Variants in SFTPA1 observed in about 807,000 individuals in gnomAD.
SFTPA1 encodes the protein surfactant protein A1.
A neutral mutation model predicts 19.1 loss-of-function variants in SFTPA1; 13 were observed. The ratio of observed to expected loss-of-function variants is 0.68; its 90% CI spans 0.44 to 1.08. The LOEUF (loss-of-function observed/expected upper bound fraction) is 1.08, where lower values mean the gene tolerates loss of function less well. SFTPA1 is among the 50% of genes least tolerant of loss of function. SFTPA1 has a pLI of 0.00. For synonymous variants in SFTPA1, 101 were observed against 117.0 expected, an observed-to-expected ratio of 0.86 and a Z score of 0.88; for missense variants, 259 against 316.4, an observed-to-expected ratio of 0.82 and a Z score of 1.38.
Position 79,613,962 on chromosome 10 carries a change from G to A in SFTPA1, c.596G>A (p.Arg199His), listed in dbSNP as rs771689192. ...GAGGGTCCCAGCCCTGGAGACTTCC[G>A]CTACTCAGACGGGACCCCTGTAAAC... ...LTEGPSPGDFRYSDGTPVNYT... is the reference protein window; with the variant it reads ...LTEGPSPGDFHYSDGTPVNYT... The change falls in exon 6 of 6, where the codon CGC becomes CAC. Residue 199 changes from arginine (R) to histidine (H), a missense_variant. By Grantham distance (29) the Arg-to-His change is conservative. Coordinates refer to ENST00000398636, the MANE Select transcript of SFTPA1 (RefSeq NM_005411.5). 48 of 1,614,038 alleles carry A rather than the reference G, an allele frequency of 3.0e-5. No individual in the cohort carries two copies. Among genetic ancestry groups the A allele is most frequent in the African/African-American group, 6.7e-5 (5 of 74,916 alleles).
rs1013776191 is a variant in SFTPA1, at chr10:79,614,215, A to T, written c.*102A>T. 1.2e-5 allele frequency: 19 copies of T among 1,595,960 alleles called. No homozygotes were observed. In the East Asian group the frequency reaches 4.3e-4, roughly 36 times the overall value. On this transcript the variant is annotated 3_prime_UTR_variant, in exon 6 of 6. Transcript: ENST00000398636. ...AGATGCTAGAACTCCCTTTCAACAG[A>T]ATTCACTTGTGGCTATTGGGACTGG...
At chr10:79,612,514 AC>A in intron 4 of SFTPA1, 83 bp downstream of exon 4, 2 of 1,590,476 alleles carry the variant, frequency 1.3e-6, no homozygotes, top group African/African-American at 2.7e-5. Flanking sequence ...TGGGGATCAG[AC>A]AAACCCTACA....
intron 4 of SFTPA1, among the ~76,000 whole-genome samples, chr10:79,612,833 C>A (rs570462927): frequency 6.6e-6 from 1 of 152,030 alleles, no homozygotes; most frequent in Non-Finnish European, 1.5e-5. Context: ...AAGCTCAGAG[C>A]GGTAAGCAAG....
intron 4 of SFTPA1, 87 bp downstream of exon 4, chr10:79,612,518 A>G: frequency 1.3e-6 from 2 of 1,585,298 alleles, no homozygotes; most frequent in African/African-American, 2.7e-5. Context: ...GATCAGACAA[A>G]CCCTACAGGT....
intron 2 of SFTPA1, 106 bp downstream of exon 2, chr10:79,611,495 TAGTG>T (rs1403486276): frequency 4.7e-6 from 6 of 1,288,332 alleles, no homozygotes; most frequent in Non-Finnish European, 6.3e-6. Context: ...CAGGGTAACA[TAGTG>T]AGGCACTGAA....
Position 79,614,681 on chromosome 10 carries a change from G to A in SFTPA1, c.*568G>A, listed in dbSNP as rs1254396828. 7.0e-6 allele frequency: 2 copies of A among 286,158 alleles called. No homozygotes were observed. Among genetic ancestry groups the A allele is most frequent in the African/African-American group, 2.2e-5 (1 of 45,528 alleles). The allele number at this position is 286,158 out of a possible 1,614,324, so 17.7% of individuals were successfully genotyped here. On this transcript the variant is annotated 3_prime_UTR_variant, in exon 6 of 6. Coordinates refer to ENST00000398636, the MANE Select transcript of SFTPA1 (RefSeq NM_005411.5). ...GCTCTCCATGAGGTTAGAAGGCCAG[G>A]TAGTGTTCCAGCAGGGTGGTGGCCA...
chr10:79,611,679 C>G, intron 2 of SFTPA1, 124 bp from the exon 3 acceptor site: 1 of 1,584,236 alleles, frequency 6.3e-7, no homozygotes, highest in Non-Finnish European at 8.6e-7. Flanking sequence ...TCGGGTCTTC[C>G]CAGCACTCTG....
chr10:79,613,720 G>C lies in SFTPA1; in HGVS notation c.371-17G>C. On this transcript the variant is annotated splice_polypyrimidine_tract_variant and intron_variant, in intron 5 of 5. Transcript: ENST00000398636. ...ACAAAGTGGTCAGTGGCCTGACCCG[G>C]ACTCCTCTGCTCTCAGCCCTCAGTC... is the stretch of plus-strand genomic sequence containing the variant. 6.2e-7 allele frequency: 1 copy of C among 1,613,986 alleles called. No individual in the cohort carries two copies. The highest frequency in any genetic ancestry group is 8.5e-7 in the Non-Finnish European group (1 of 1,179,850).
chr10:79,613,092 C>T, intron 4 of SFTPA1, 97 bp from the exon 5 acceptor site: 1 of 1,607,638 alleles, frequency 6.2e-7, no homozygotes, highest in Non-Finnish European at 8.5e-7. Context: ...AATGAAAGGG[C>T]AGAGTTCCAG....
chr10:79,613,168 T>C lies in SFTPA1; in HGVS notation c.293-21T>C, dbSNP rs376285261. On this transcript the variant is annotated intron_variant, in intron 4 of 5. Transcript: ENST00000398636. Reference sequence around the variant, plus strand: ...GTCTTCACTGGCCTGCCCCTCCTTCTGTGTGGGGCACTCTCCACAGGGCTT... The same window carrying C: ...GTCTTCACTGGCCTGCCCCTCCTTCCGTGTGGGGCACTCTCCACAGGGCTT... 1,041 of 1,613,640 alleles carry C rather than the reference T, an allele frequency of 6.5e-4. 3 individuals carry two copies. The highest frequency in any genetic ancestry group is 8.1e-4 in the Non-Finnish European group (957 of 1,179,878).
chr10:79,613,074 C>T (rs921667011), intron 4 of SFTPA1, 115 bp from the exon 5 acceptor site: 6 of 1,598,476 alleles, frequency 3.8e-6, no homozygotes, highest in Non-Finnish European at 5.1e-6. Context: ...TGGGTGGCGC[C>T]TAACAGCAAT....
At position 79,614,920 on chromosome 10, in the gene SFTPA1, T is replaced by A; in HGVS notation, c.*807T>A. 1 of 1,188,874 alleles carries A rather than the reference T, an allele frequency of 8.4e-7. No homozygotes were observed. The highest frequency in any genetic ancestry group is 1.1e-6 in the Non-Finnish European group (1 of 893,732). The allele number at this position is 1,188,874 out of a possible 1,614,324, so 73.6% of individuals were successfully genotyped here. The stretch of plus-strand genomic sequence containing the variant: ...CCACCCCCCACACCACTGGCTCTGC[T>A]TTCTCCTTTCATTAATCCATTCACC... On this transcript the variant is annotated 3_prime_UTR_variant, in exon 6 of 6. Coordinates refer to ENST00000398636, the MANE Select transcript of SFTPA1 (RefSeq NM_005411.5).
chr10:79,611,298 T>A (rs542828788), intron 1 of SFTPA1, 21 bp from the exon 2 acceptor site: 4 of 339,412 alleles, frequency 1.2e-5, no homozygotes, highest in African/African-American at 8.3e-5. Context: ...GCGGGCCCCG[T>A]TCATCTTTTT....
intron 4 of SFTPA1, 111 bp from the exon 5 acceptor site, chr10:79,613,078 C>T: frequency 1.9e-6 from 3 of 1,600,572 alleles, no homozygotes; most frequent in East Asian, 4.5e-5. Flanking sequence ...TGGCGCCTAA[C>T]AGCAATGAAA....
At chr10:79,613,050 C>G in intron 4 of SFTPA1, 139 bp from the exon 5 acceptor site, 8 of 1,547,146 alleles carry the variant, frequency 5.2e-6, no homozygotes, top group Non-Finnish European at 7.0e-6. Flanking sequence ...TGTGGACCCT[C>G]TGAGCCTAGG....
chr10:79,614,762 C>A lies in SFTPA1; in HGVS notation c.*649C>A. On this transcript the variant is annotated 3_prime_UTR_variant, in exon 6 of 6. Transcript: ENST00000398636. ...ACTCCTTTGAGTCTTTGAATGGCAA[C>A]TCAGCCCCCTGACCTGAAGACAGCC... 3.0e-6 allele frequency: 1 copy of A among 336,004 alleles called. No individual in the cohort carries two copies. The highest frequency in any genetic ancestry group is 6.1e-6 in the Non-Finnish European group (1 of 164,358). 20.8% of individuals were successfully genotyped at this position (336,004 alleles called of 1,614,324 possible).
Position 79,612,400 on chromosome 10 carries a change from G to A in SFTPA1, c.261G>A (p.Glu87=). ...GAPGIPGECG[E]KGEPGERGPP... is the part of the protein sequence containing the mutation. ...CTGGTATCCCTGGAGAGTGTGGAGA[G>A]AAGGGGGAGCCTGGCGAGAGGGGCC... is the stretch of plus-strand genomic sequence containing the variant. The change falls in exon 4 of 6, where the codon GAG becomes GAA. Residue 87 remains glutamate (E), a synonymous_variant. Coordinates refer to ENST00000398636, the MANE Select transcript of SFTPA1 (RefSeq NM_005411.5). 1 of 1,613,580 alleles carries A rather than the reference G, an allele frequency of 6.2e-7. No homozygotes were observed.
chr10:79,615,348 C>A lies in SFTPA1; in HGVS notation c.*1235C>A, dbSNP rs1860099394. On this transcript the variant is annotated 3_prime_UTR_variant, in exon 6 of 6. Coordinates refer to ENST00000398636, the MANE Select transcript of SFTPA1 (RefSeq NM_005411.5). ...GCAAGTGGCAGAGGCTGGATCCAAA[C>A]CCATCTTCCTGGACCTGAAGCTTAT... 1.2e-5 allele frequency: 3 copies of A among 249,724 alleles called. No individual in the cohort carries two copies. Among genetic ancestry groups the A allele is most frequent in the Non-Finnish European group, 8.3e-6 (1 of 120,774 alleles). 15.5% of individuals were successfully genotyped at this position (249,724 alleles called of 1,614,324 possible).
At position 79,613,244 on chromosome 10, in the gene SFTPA1, T is replaced by C; in HGVS notation, c.348T>C (p.His116=). 6.2e-7 allele frequency: 1 copy of C among 1,613,914 alleles called. No individual in the cohort carries two copies. Among genetic ancestry groups the C allele is most frequent in the Non-Finnish European group, 8.5e-7 (1 of 1,179,974 alleles). ...ELQATLHDFR[H]QILQTRGALS... ...AAGCCACACTCCACGACTTTAGACA[T>C]CAAATCCTGCAGACAAGGGGAGGTA... is the stretch of plus-strand genomic sequence containing the variant. Residue 116 remains histidine, a synonymous_variant, in exon 5 of 6, where the codon CAT becomes CAC. Coordinates refer to ENST00000398636, the MANE Select transcript of SFTPA1 (RefSeq NM_005411.5).
Sources: allele counts gnomAD v4.1 joint callset (sites outside exome capture counted in the v4.1 genomes callset), GRCh38; gene constraint gnomAD v4.1.1; transcripts MANE v1.5; gene names NCBI Gene and HGNC (gene_info 2026-07-23, HGNC 2026-07-21).